ACSM3: variants seen among roughly 807,000 people sequenced by gnomAD.
ACSM3 encodes the protein acyl-coenzyme A synthetase ACSM3, mitochondrial.
A neutral mutation model predicts 74.1 loss-of-function variants in ACSM3; 61 were observed. The observed-to-expected ratio is 0.82, with a 90% CI of 0.67 to 1.02. The LOEUF is 1.02. ACSM3 is among the 50% of genes least tolerant of loss of function. The pLI is 0.00. For synonymous variants in ACSM3, 213 were observed against 241.5 expected (o/e 0.88, Z 1.09); for missense variants, 660 against 697.0 (o/e 0.95, Z 0.60).
intron 1 of ACSM3, among the ~76,000 whole-genome samples, chr16:20,714,423 A>T (rs1362972085): frequency 2.0e-5 from 3 of 152,152 alleles, no homozygotes; most frequent in Non-Finnish European, 4.4e-5. Flanking sequence ...CCAGGTTTGG[A>T]TTAAATTAAA....
chr16:20,737,018 C>G (rs1469047908), intron 1 of ACSM3: 1 of 1,614,014 alleles, frequency 6.2e-7, no homozygotes, highest in East Asian at 2.2e-5. Flanking sequence ...TCTCTGGTAC[C>G]TGCTGGTTAT....
chr16:20,717,759 T>C (rs535680819), intron 1 of ACSM3, among the ~76,000 whole-genome samples: 106 of 151,710 alleles, frequency 7.0e-4, no homozygotes, highest in Middle Eastern at 3.4e-3. Context: ...GTTATTAATA[T>C]TGAAAGTTAT....
intron 1 of ACSM3, chr16:20,733,559 G>A (rs2079843921): frequency 6.6e-6 from 1 of 151,692 alleles, no homozygotes; most frequent in Admixed American, 6.6e-5. Context: ...TCATGTCCAT[G>A]GCATTTTATA....
chr16:20,720,937 T>G (rs867864801), intron 1 of ACSM3: 1 of 152,214 alleles, frequency 6.6e-6, no homozygotes, highest in Non-Finnish European at 1.5e-5. Context: ...GACATCCAAT[T>G]TGAGCCTCCT....
At chr16:20,741,603 A>G (rs1316604446) in intron 1 of ACSM3, 4 of 1,573,892 alleles carry the variant, frequency 2.5e-6, no homozygotes, top group Admixed American at 1.8e-5. Flanking sequence ...GGTGATGAGG[A>G]TGCCCTGTAG....
At chr16:20,703,499 T>G (rs1464543029) in intron 1 of ACSM3, 1 of 152,144 alleles carries the variant, frequency 6.6e-6, no homozygotes, top group East Asian at 1.9e-4. Context: ...GAGCAGTGGT[T>G]TGTAGCTCTC....
chr16:20,731,053 A>T (rs560570417), intron 1 of ACSM3, among the ~76,000 whole-genome samples: 35 of 152,166 alleles, frequency 2.3e-4, no homozygotes, highest in African/African-American at 7.9e-4. Flanking sequence ...CTTTATAGAG[A>T]TGGGGTCTCA....
intron 1 of ACSM3, chr16:20,682,415 A>AG: frequency 6.2e-7 from 1 of 1,613,944 alleles, no homozygotes; most frequent in Non-Finnish European, 8.5e-7. Flanking sequence ...TAGTCGATAG[A>AG]GAATGTCTTT....
chr16:20,759,873 T>C (rs971300735), upstream of ACSM3, among the ~76,000 whole-genome samples: 2 of 152,184 alleles, frequency 1.3e-5, no homozygotes, highest in Non-Finnish European at 2.9e-5. Flanking sequence ...GGGGGCAGTC[T>C]TGTGGGACTT....
chr16:20,783,962 T>A (rs1194622030), intron 7 of ACSM3, among the ~76,000 whole-genome samples: 2 of 152,204 alleles, frequency 1.3e-5, no homozygotes, highest in African/African-American at 4.8e-5. Context: ...TGCACCACCA[T>A]GCCTGGCTAC....
At chr16:20,711,596 C>T in intron 1 of ACSM3, 1 of 1,260,246 alleles carries the variant, frequency 7.9e-7, no homozygotes, top group Non-Finnish European at 1.1e-6. Flanking sequence ...GAGTCCATTG[C>T]ACTGGAGTGT....
At chr16:20,682,410 G>T (rs199570072) in intron 1 of ACSM3, 8 of 1,613,836 alleles carry the variant, frequency 5.0e-6, no homozygotes, top group Non-Finnish European at 6.8e-6. Context: ...AACTGTAGTC[G>T]ATAGAGAATG....
chr16:20,757,912 G>T (rs2080044991), intron 3 of ACSM3, among the ~76,000 whole-genome samples: 3 of 150,402 alleles, frequency 2.0e-5, no homozygotes, highest in Non-Finnish European at 4.4e-5. Context: ...TTTGTCTTTG[G>T]TTCTGTTTAT....
intron 1 of ACSM3, among the ~76,000 whole-genome samples, chr16:20,700,733 A>G (rs1185656782): frequency 1.3e-5 from 2 of 152,100 alleles, no homozygotes. Flanking sequence ...AGGAGGAAAG[A>G]GACATGATCC....
In ACSM3 at chr16:20,781,094, C is replaced by T. The variant is rs372646398; in HGVS notation, c.903C>T (p.His301=). ...TCCAGGGAGCATGTGTATTCACACACCATTTACCCCGTTTTGAGCCGACTT... is the reference window on the plus strand; with the variant it reads ...TCCAGGGAGCATGTGTATTCACACATCATTTACCCCGTTTTGAGCCGACTT... ...PWIQGACVFT[H]HLPRFEPTSI... Residue 301 remains histidine, a synonymous_variant, in exon 6 of 14, where the codon CAC becomes CAT. Coordinates refer to ENST00000289416, the MANE Select transcript of ACSM3 (RefSeq NM_005622.4). The T allele has an allele frequency of 1.2e-6, 2 of 1,614,110 alleles. No individual in the cohort carries two copies. The highest frequency in any genetic ancestry group is 1.7e-6 in the Non-Finnish European group (2 of 1,180,008).
intron 1 of ACSM3, chr16:20,737,994 G>T: frequency 6.4e-7 from 1 of 1,554,672 alleles, no homozygotes; most frequent in South Asian, 1.2e-5. Context: ...TAATTTCTCA[G>T]ACATCTTAAA....
At position 20,781,741 on chromosome 16, in the gene ACSM3, T is replaced by G. The variant is rs1296278232; in HGVS notation, c.973T>G (p.Ser325Ala). ...LSKYPITVFCSAPTVYRMLVQ... is the reference protein window; with the variant it reads ...LSKYPITVFCAAPTVYRMLVQ... ...CAAGTACCCCATCACAGTCTTCTGT[T>G]CAGCACCAACTGTATACCGAATGCT... Residue 325 changes from serine (S) to alanine (A), a missense_variant, in exon 7 of 14, where the codon TCA (serine) becomes GCA (alanine). Physicochemically the swap from Ser to Ala is moderately conservative, Grantham distance 99 (BLOSUM62 1). Coordinates refer to ENST00000289416, the MANE Select transcript of ACSM3 (RefSeq NM_005622.4). The G allele has an allele frequency of 6.2e-7, 1 of 1,613,570 alleles. No individual in the cohort carries two copies. The highest frequency in any genetic ancestry group is 1.1e-5 in the South Asian group (1 of 91,070).
chr16:20,682,495 T>C, intron 1 of ACSM3: 1 of 1,587,198 alleles, frequency 6.3e-7, no homozygotes, highest in Non-Finnish European at 8.6e-7. Context: ...ATTGTTTTGG[T>C]TTCTTTTTCA....
chr16:20,682,540 G>T, intron 1 of ACSM3: 1 of 1,144,124 alleles, frequency 8.7e-7, no homozygotes, highest in Non-Finnish European at 1.3e-6. Context: ...TGTCTGCATC[G>T]AAATACCCTA....
Sources: allele counts gnomAD v4.1 joint callset (sites outside exome capture counted in the v4.1 genomes callset), GRCh38; gene constraint gnomAD v4.1.1; transcripts MANE v1.5; gene names NCBI Gene and HGNC (gene_info 2026-07-23, HGNC 2026-07-21).